Variants in ANKRD11 observed in about 807,000 individuals in gnomAD.
ANKRD11 encodes ankyrin repeat domain-containing protein 11.
A neutral mutation model predicts 195.7 loss-of-function variants in ANKRD11; 17 were observed. The ratio of observed to expected loss-of-function variants is 0.09; its 90% CI spans 0.06 to 0.13. The LOEUF (loss-of-function observed/expected upper bound fraction) is 0.13, where lower values mean the gene tolerates loss of function less well. Ranked by LOEUF, ANKRD11 falls within the 10% of genes least tolerant of loss-of-function variation. The pLI, the probability that ANKRD11 is intolerant of heterozygous loss-of-function variation, is 1.00. For synonymous variants in ANKRD11, 1,953 were observed against 1,528.1 expected (o/e 1.28, Z -6.49); for missense variants, 3,735 against 3,566.1 (o/e 1.05, Z -1.21).
chr16:89,408,466 G>A (rs549222692), intron 2 of ANKRD11, among the ~76,000 whole-genome samples: 1 of 152,360 alleles, frequency 6.6e-6, no homozygotes, highest in South Asian at 2.1e-4. Flanking sequence ...GACCCTGAGC[G>A]TGGTGGCAAG....
intron 1 of ANKRD11, among the ~76,000 whole-genome samples, chr16:89,425,793 C>G (rs1350091470): frequency 2.6e-5 from 4 of 152,134 alleles, no homozygotes; most frequent in Admixed American, 1.3e-4. Flanking sequence ...GGCAACTACG[C>G]AAACTTCAGA....
chr16:89,427,321 T>C (rs552662050), intron 1 of ANKRD11, among the ~76,000 whole-genome samples: 8 of 152,270 alleles, frequency 5.3e-5, no homozygotes, highest in African/African-American at 1.4e-4. Flanking sequence ...ACAGTGTCTT[T>C]ACGACAGCAA....
chr16:89,354,677 T>C (rs571712080), intron 2 of ANKRD11, among the ~76,000 whole-genome samples: 114 of 151,584 alleles, frequency 7.5e-4, no homozygotes, highest in Non-Finnish European at 1.2e-3. Flanking sequence ...AAGTCAGGAG[T>C]TCAAGACCAG....
intron 1 of ANKRD11, among the ~76,000 whole-genome samples, chr16:89,479,418 A>G (rs889241099): frequency 2.0e-5 from 3 of 148,366 alleles, no homozygotes; most frequent in Non-Finnish European, 4.5e-5. Context: ...GGATCATCTG[A>G]GGTCGGGAGT....
intron 4 of ANKRD11, among the ~76,000 whole-genome samples, chr16:89,293,924 C>T (rs1209472146): frequency 6.6e-6 from 1 of 152,154 alleles, no homozygotes; most frequent in Non-Finnish European, 1.5e-5. Flanking sequence ...AGGCCAGGAG[C>T]CCACGCTGCG....
intron 1 of ANKRD11, among the ~76,000 whole-genome samples, chr16:89,424,971 T>G (rs916615187): frequency 6.6e-6 from 1 of 152,074 alleles, no homozygotes; most frequent in Non-Finnish European, 1.5e-5. Context: ...GACGTTCTAT[T>G]AAGGCCACAG....
At position 89,279,246 on chromosome 16, in the gene ANKRD11, G is replaced by A. The variant is rs146648782; in HGVS notation, c.7296C>T (p.Ser2432=). ...IKLDAIEPYH[S]DRANPYFEYL... ...ATTCGAAGTAGGGGTTGGCCCTGTC[G>A]CTGTGGTAGGGCTCGATGGCATCCA... The change falls in exon 9 of 13, where the codon AGC becomes AGT. Residue 2432 remains serine, a synonymous_variant. Transcript: ENST00000301030. This position sits in a 1 kb window ranked among gnomAD's most constrained non-coding sequence, Gnocchi z 5.6. 655 of 1,611,716 alleles carry A rather than the reference G, an allele frequency of 4.1e-4. 2 individuals are homozygous for A. In the African/African-American group the frequency reaches 7.9e-3, roughly 19 times the overall value.
intron 4 of ANKRD11, among the ~76,000 whole-genome samples, chr16:89,298,682 T>C (rs1411156283): frequency 2.0e-5 from 3 of 152,204 alleles, no homozygotes; most frequent in Non-Finnish European, 4.4e-5. Context: ...TGGGCCTGGC[T>C]ACCGGCCTAA....
chr16:89,281,309 A>C lies in ANKRD11; in HGVS notation c.5233T>G (p.Ser1745Ala). The change falls in exon 9 of 13, where the codon TCC (serine) becomes GCC (alanine). Residue 1745 changes from serine to alanine, a missense_variant. By Grantham distance (99) the Ser-to-Ala change is moderately conservative. Coordinates refer to ENST00000301030, the MANE Select transcript of ANKRD11 (RefSeq NM_013275.6). This position sits in a 1 kb window ranked among gnomAD's most constrained non-coding sequence, Gnocchi z 5.5. ...GTGGGAGCGGTGGGCACGGGCGTGG[A>C]GTGCTGCGAGTCGGCGCAGTCGAAC... ...LVFDCADSQHSTPVPTAPTSA... is the reference protein window; with the variant it reads ...LVFDCADSQHATPVPTAPTSA... 6.2e-7 allele frequency: 1 copy of C among 1,613,992 alleles called. No individual in the cohort carries two copies. Among genetic ancestry groups the C allele is most frequent in the Non-Finnish European group, 8.5e-7 (1 of 1,179,928 alleles).
intron 2 of ANKRD11, among the ~76,000 whole-genome samples, chr16:89,394,570 G>C (rs1290024093): frequency 6.6e-6 from 1 of 151,782 alleles, no homozygotes; most frequent in Non-Finnish European, 1.5e-5. Context: ...GGAGGTTGCA[G>C]TGAGCCAGTA....
chr16:89,471,061 G>C (rs1032798164), intron 1 of ANKRD11, among the ~76,000 whole-genome samples: 1 of 150,604 alleles, frequency 6.6e-6, no homozygotes, highest in African/African-American at 2.4e-5. Flanking sequence ...CAATTTAAAA[G>C]CATGACTGAG....
At chr16:89,411,458 A>T (rs2042108243) in intron 2 of ANKRD11, among the ~76,000 whole-genome samples, 1 of 152,132 alleles carries the variant, frequency 6.6e-6, no homozygotes, top group Non-Finnish European at 1.5e-5. Flanking sequence ...TGTCACCTAG[A>T]GCTGGAGTGC....
chr16:89,450,824 T>C (rs1182369221), intron 1 of ANKRD11, among the ~76,000 whole-genome samples: 1 of 152,094 alleles, frequency 6.6e-6, no homozygotes. Flanking sequence ...TTCTATTTTG[T>C]TCAATTTAAT....
intron 2 of ANKRD11, among the ~76,000 whole-genome samples, chr16:89,390,069 C>G (rs370667381): frequency 1.7e-5 from 1 of 60,084 alleles, no homozygotes; most frequent in Non-Finnish European, 2.9e-5. Context: ...GGGGCGAACA[C>G]CGAGTGTGGC....
chr16:89,313,642 T>A (rs1471638089), intron 3 of ANKRD11: 1 of 1,272,972 alleles, frequency 7.9e-7, no homozygotes, highest in African/African-American at 1.5e-5. Context: ...GAAAAGGGAG[T>A]TTATGGTAGA....
At chr16:89,447,742 TCATGTATTTATTA>T (rs1374543442) in intron 1 of ANKRD11, among the ~76,000 whole-genome samples, 1 of 151,644 alleles carries the variant, frequency 6.6e-6, no homozygotes, top group African/African-American at 2.4e-5. Flanking sequence ...TGGCCCAACA[TCATGTATTTATTA>T]CATGTACCAG....
intron 2 of ANKRD11, among the ~76,000 whole-genome samples, chr16:89,391,354 G>T (rs2041189803): frequency 6.6e-6 from 1 of 152,128 alleles, no homozygotes; most frequent in Non-Finnish European, 1.5e-5. Context: ...AGTGCTGGCA[G>T]TCTTGCGGGA....
intron 2 of ANKRD11, among the ~76,000 whole-genome samples, chr16:89,417,238 A>C (rs2042346110): frequency 6.6e-6 from 1 of 152,202 alleles, no homozygotes; most frequent in African/African-American, 2.4e-5. Context: ...AAGCTCCCGA[A>C]AGAAGCTGCA....
In ANKRD11 at chr16:89,285,030, C is replaced by A; in HGVS notation, c.1512G>T (p.Gly504=). ...DSLGSSGCLK[G]SPLVLKDPSL... is the part of the protein sequence containing the mutation. ...AGGGGTCCTTCAGCACCAGCGGGGACCCCTTGAGGCAGCCAGAGCTCCCCA... is the reference window on the plus strand; with the variant it reads ...AGGGGTCCTTCAGCACCAGCGGGGAACCCTTGAGGCAGCCAGAGCTCCCCA... Residue 504 remains glycine, a synonymous_variant, in exon 9 of 13, where the codon GGG becomes GGT. Transcript: ENST00000301030. The surrounding 1 kb of genome is among the most constrained non-coding windows in gnomAD (Gnocchi z 5.6). 1 of 1,614,002 alleles carries A rather than the reference C, an allele frequency of 6.2e-7. No individual in the cohort carries two copies. Among genetic ancestry groups the A allele is most frequent in the Non-Finnish European group, 8.5e-7 (1 of 1,180,018 alleles).
Sources: gnomAD v4.1 joint callset for allele counts (sites outside exome capture counted in the v4.1 genomes callset) on GRCh38, gnomAD v4.1.1 for gene constraint, Gnocchi (gnomAD v3.1) non-coding constraint, MANE v1.5 for transcripts, NCBI Gene and HGNC (gene_info 2026-07-23, HGNC 2026-07-21) for gene names.